Variants in EIF3G observed in about 807,000 individuals in gnomAD.
The protein encoded by EIF3G is eukaryotic translation initiation factor 3 subunit G.
A neutral mutation model predicts 41.7 loss-of-function variants in EIF3G; 10 were observed. The observed-to-expected ratio is 0.24, with a 90% CI of 0.15 to 0.41. EIF3G has a LOEUF of 0.41. Ranked by LOEUF, EIF3G falls within the 10% of genes least tolerant of loss-of-function variation. EIF3G has a pLI of 1.00. For synonymous variants in EIF3G, 204 were observed against 172.5 expected (o/e 1.18, Z -1.43); for missense variants, 297 against 444.0 (o/e 0.67, Z 2.98).
At chr19:10,115,945 C>A (rs1211235795) in intron 8 of EIF3G, 22 bp downstream of exon 8, 8 of 1,608,750 alleles carry the variant, frequency 5.0e-6, no homozygotes, top group Non-Finnish European at 6.8e-6. Flanking sequence ...ACCCACCAGC[C>A]TGGCGTCGGG....
At chr19:10,115,332 G>A (rs1599324308) in intron 10 of EIF3G, 147 bp downstream of exon 10, 3 of 1,162,634 alleles carry the variant, frequency 2.6e-6, no homozygotes, top group Non-Finnish European at 3.6e-6. Context: ...CCTCTGCCCG[G>A]TTTTGGAAAA....
intron 10 of EIF3G, 98 bp from the exon 11 acceptor site, chr19:10,115,227 G>A: frequency 6.8e-7 from 1 of 1,476,294 alleles, no homozygotes; most frequent in South Asian, 1.2e-5. Context: ...CAGAGGACGG[G>A]GTAATGTGAG....
Position 10,115,048 on chromosome 19 carries a change from CCCGCGCTCTCGGAGG to C in EIF3G, c.*51_*65del. ...TGGAGCTGCTTTATTGCCCTTGGAGCCCGCGCTCTCGGAGGCTGTCTTCTGTCGCCAAGGGTCCCG... is the reference window on the plus strand; with the variant it reads ...TGGAGCTGCTTTATTGCCCTTGGAGCCTGTCTTCTGTCGCCAAGGGTCCCG... On this transcript the variant is annotated 3_prime_UTR_variant, in exon 11 of 11. Coordinates refer to ENST00000253108, the MANE Select transcript of EIF3G (RefSeq NM_003755.5). 6.2e-7 allele frequency: 1 copy of C among 1,607,200 alleles called. No homozygotes were observed. The highest frequency in any genetic ancestry group is 1.7e-4 in the Middle Eastern group (1 of 6,056).
intron 6 of EIF3G, 35 bp from the exon 7 acceptor site, chr19:10,117,024 G>A: frequency 6.2e-7 from 1 of 1,603,434 alleles, no homozygotes; most frequent in Admixed American, 1.7e-5. Context: ...CTCAGAGGCG[G>A]CTAAGGCACC....
At chr19:10,118,842 C>G in intron 4 of EIF3G, 26 bp downstream of exon 4, 1 of 1,611,526 alleles carries the variant, frequency 6.2e-7, no homozygotes, top group South Asian at 1.1e-5. Flanking sequence ...ACAAGGGTCC[C>G]CACTCCCTGC....
chr19:10,119,625 G>T (rs201908416), intron 2 of EIF3G, 29 bp downstream of exon 2: 2 of 1,555,554 alleles, frequency 1.3e-6, no homozygotes, highest in East Asian at 4.5e-5. Context: ...GCCTGGCCGC[G>T]AATACCCCGG....
chr19:10,115,075 C>T lies in EIF3G; in HGVS notation c.*39G>A, dbSNP rs537538801. The T allele has an allele frequency of 1.8e-5, 29 of 1,613,604 alleles. No individual in the cohort carries two copies. The highest frequency in any genetic ancestry group is 1.6e-4 in the East Asian group (7 of 44,876). On this transcript the variant is annotated 3_prime_UTR_variant, in exon 11 of 11. Transcript: ENST00000253108. ...CGCGCTCTCGGAGGCTGTCTTCTGTCGCCAAGGGTCCCGGACCGAGTACAC... is the reference window on the plus strand; with the variant it reads ...CGCGCTCTCGGAGGCTGTCTTCTGTTGCCAAGGGTCCCGGACCGAGTACAC...
intron 5 of EIF3G, 112 bp from the exon 6 acceptor site, chr19:10,117,300 C>T: frequency 1.4e-6 from 1 of 718,452 alleles, no homozygotes; most frequent in East Asian, 2.7e-5. Flanking sequence ...CCTCAAACCC[C>T]ATCTTCATCC....
rs1394322268 is a variant in EIF3G, at chr19:10,115,756, C to T, written c.768G>A (p.Gln256=). 2 of 1,614,062 alleles carry T rather than the reference C, an allele frequency of 1.2e-6. No individual in the cohort carries two copies. The highest frequency in any genetic ancestry group is 1.7e-6 in the Non-Finnish European group (2 of 1,180,036). ...LSEDTRETDL[Q]ELFRPFGSIS... is the part of the protein sequence containing the mutation. ...TGGAGCCGAAAGGCCGGAAGAGCTC[C>T]TGCAGGTCGGTCTCACGCGTGTCCT... is the stretch of plus-strand genomic sequence containing the variant. Residue 256 remains glutamine, a synonymous_variant, in exon 9 of 11, where the codon CAG becomes CAA. Transcript: ENST00000253108.
At position 10,115,947 on chromosome 19, in the gene EIF3G, GGC is replaced by G; in HGVS notation, c.703+18_703+19del. 1 of 1,605,488 alleles carries G rather than the reference GGC, an allele frequency of 6.2e-7. No homozygotes were observed. Among genetic ancestry groups the G allele is most frequent in the Non-Finnish European group, 8.5e-7 (1 of 1,174,308 alleles). On this transcript the variant is annotated intron_variant, in intron 8 of 10. Transcript: ENST00000253108. The stretch of plus-strand genomic sequence containing the variant: ...CCGGGAGGTGCCCACCCACCAGCCT[GGC>G]GTCGGGGTGCCCCTCACCTCTGCGG...
At chr19:10,119,210 G>C in intron 2 of EIF3G, 39 bp from the exon 3 acceptor site, 3 of 1,544,270 alleles carry the variant, frequency 1.9e-6, no homozygotes, top group Non-Finnish European at 1.8e-6. Flanking sequence ...TCAGCTCCAG[G>C]GGCAGGAGCT....
intron 4 of EIF3G, 46 bp downstream of exon 4, chr19:10,118,822 G>A (rs1384743347): frequency 1.9e-6 from 3 of 1,607,362 alleles, no homozygotes; most frequent in Non-Finnish European, 2.6e-6. Context: ...CGGTCTATGG[G>A]CCCCCAAGCA....
rs368688647 is a variant in EIF3G, at chr19:10,119,184, G to A, written c.68-13C>T. 1.5e-5 allele frequency: 24 copies of A among 1,565,906 alleles called. No individual in the cohort carries two copies. The highest frequency in any genetic ancestry group is 2.1e-5 in the Non-Finnish European group (24 of 1,154,238). On this transcript the variant is annotated splice_polypyrimidine_tract_variant and intron_variant, in intron 2 of 10. Transcript: ENST00000253108. The stretch of plus-strand genomic sequence containing the variant: ...GTGACACATTTGTCTGCAAAAGGCA[G>A]CGTAGGAAGGAGGAGTCAGCTCCAG...
At chr19:10,115,913 T>C (rs2089238481) in intron 8 of EIF3G, 54 bp downstream of exon 8, 17 of 1,605,700 alleles carry the variant, frequency 1.1e-5, no homozygotes, top group Non-Finnish European at 1.4e-5. Flanking sequence ...CGGGGATAAT[T>C]ACGAGGTGCC....
At position 10,116,191 on chromosome 19, in the gene EIF3G, A is replaced by G; in HGVS notation, c.596-117T>C. 5.8e-6 allele frequency: 6 copies of G among 1,031,448 alleles called. No individual in the cohort carries two copies. Among genetic ancestry groups the G allele is most frequent in the Non-Finnish European group, 8.4e-6 (6 of 712,600 alleles). 63.9% of individuals were successfully genotyped at this position (1,031,448 alleles called of 1,614,324 possible). A position where few individuals can be genotyped will look rare whatever the true frequency, so the allele number is the denominator to read the frequency against. On this transcript the variant is annotated intron_variant, in intron 7 of 10. Transcript: ENST00000253108. This position sits in a 1 kb window ranked among gnomAD's most constrained non-coding sequence, Gnocchi z 4.1. ...CAGCGCAGGCACTGTGTGCCAAACC[A>G]CAGGCAGCCAGTTGGCCACGAGGAC...
chr19:10,115,977 G>C lies in EIF3G; in HGVS notation c.693C>G (p.Pro231=). The C allele has an allele frequency of 6.2e-7, 1 of 1,613,494 alleles. No homozygotes were observed. Among genetic ancestry groups the C allele is most frequent in the Non-Finnish European group, 8.5e-7 (1 of 1,179,774 alleles). ...GASRRGESMQ[P]NRRADDNATI... ...CGGGGTGCCCCTCACCTCTGCGGTTGGGCTGCATGGACTCCCCGCGGCGGC... is the reference window on the plus strand; with the variant it reads ...CGGGGTGCCCCTCACCTCTGCGGTTCGGCTGCATGGACTCCCCGCGGCGGC... The change falls in exon 8 of 11, where the codon CCC becomes CCG. Residue 231 remains proline, a synonymous_variant. Coordinates refer to ENST00000253108, the MANE Select transcript of EIF3G (RefSeq NM_003755.5).
chr19:10,115,256 C>G, intron 10 of EIF3G, 127 bp from the exon 11 acceptor site: 1 of 1,277,958 alleles, frequency 7.8e-7, no homozygotes, highest in Non-Finnish European at 1.1e-6. Flanking sequence ...GGGCACGGAG[C>G]CAGATGGCCA....
intron 10 of EIF3G, 99 bp downstream of exon 10, chr19:10,115,380 G>T: frequency 7.3e-7 from 1 of 1,362,242 alleles, no homozygotes; most frequent in Non-Finnish European, 1.0e-6. Flanking sequence ...CCAGCCGGGG[G>T]ACTGTTAAAT....
rs1188487910 is a variant in EIF3G, at chr19:10,117,132, G to A, written c.357C>T (p.Thr119=). The change falls in exon 6 of 11, where the codon ACC becomes ACT. Residue 119 remains threonine (T), a synonymous_variant. Coordinates refer to ENST00000253108, the MANE Select transcript of EIF3G (RefSeq NM_003755.5). The part of the protein sequence containing the change: ...EFDPPGPNVA[T]TTVSDDVSMT... ...TAGAGACATCGTCACTGACAGTGGT[G>A]GTGGCCACATTGGGTCCGGGGGGGT... The A allele has an allele frequency of 6.2e-7, 1 of 1,613,750 alleles. No homozygotes were observed. The highest frequency in any genetic ancestry group is 8.5e-7 in the Non-Finnish European group (1 of 1,179,870).
Sources: gnomAD v4.1 joint callset for allele counts on GRCh38, gnomAD v4.1.1 for gene constraint, Gnocchi (gnomAD v3.1) non-coding constraint, MANE v1.5 for transcripts, NCBI Gene and HGNC (gene_info 2026-07-23, HGNC 2026-07-21) for gene names.